Variants in GRM1 observed in about 807,000 individuals in gnomAD.
The protein encoded by GRM1 is glutamate metabotropic receptor 1, also known as metabotropic glutamate receptor 1.
GRM1 carries 33 observed loss-of-function variants against 90.9 expected under a neutral mutation model. The ratio of observed to expected loss-of-function variants is 0.36; its 90% confidence interval spans 0.28 to 0.49. The LOEUF (loss-of-function observed/expected upper bound fraction) is 0.49, where lower values mean the gene tolerates loss of function less well. Among genes scored for constraint, GRM1 ranks in the 20% least tolerant of loss-of-function variants. The pLI is 0.99. For synonymous variants in GRM1, 700 were observed against 613.2 expected (o/e 1.14, Z -2.09); for missense variants, 1,190 against 1,534.3 (o/e 0.78, Z 3.75).
At chr6:146,168,244 C>G (rs552372897) in intron 2 of GRM1, among the ~76,000 whole-genome samples, 83 of 151,896 alleles carry the variant, frequency 5.5e-4, no homozygotes, top group African/African-American at 1.9e-3. Context: ...TTTTGGCTTA[C>G]TAGCTATGAC....
At chr6:146,258,002 A>G (rs1180004197) in intron 2 of GRM1, among the ~76,000 whole-genome samples, 3 of 149,868 alleles carry the variant, frequency 2.0e-5, no homozygotes, top group African/African-American at 4.9e-5. Context: ...AAAAAAAAAT[A>G]GTTTTTTTCT....
At chr6:146,412,358 T>C (rs535084008) in intron 7 of GRM1, among the ~76,000 whole-genome samples, 1 of 152,148 alleles carries the variant, frequency 6.6e-6, no homozygotes, top group African/African-American at 2.4e-5. Context: ...GAGAGCCAGA[T>C]CCTGGCTGGC....
intron 7 of GRM1, among the ~76,000 whole-genome samples, chr6:146,403,956 T>A (rs949741612): frequency 1.3e-5 from 2 of 152,124 alleles, no homozygotes; most frequent in Non-Finnish European, 2.9e-5. Flanking sequence ...TATTTCTTAG[T>A]GTTGGGAATA....
At position 146,357,654 on chromosome 6, in the gene GRM1, G is replaced by A. The variant is rs770770147; in HGVS notation, c.1562G>A (p.Arg521Gln). The A allele has an allele frequency of 9.3e-6, 15 of 1,614,002 alleles. No homozygotes were observed. Among genetic ancestry groups the A allele is most frequent in the African/African-American group, 1.3e-5 (1 of 75,038 alleles). ...CAGATGAACAAGAGTGGAGTGGTGC[G>A]GTCTGTGTGCAGTGAGCCTTGCTTA... ...KIQMNKSGVV[R>Q]SVCSEPCLKG... The change falls in exon 5 of 8, where the codon CGG becomes CAG. Residue 521 changes from arginine to glutamine, a missense_variant. Transcript: ENST00000282753.
chr6:146,261,314 G>A (rs903225778), intron 2 of GRM1, among the ~76,000 whole-genome samples: 1 of 152,124 alleles, frequency 6.6e-6, no homozygotes. Flanking sequence ...CATTGTAAAT[G>A]AGTAGGAAAG....
At chr6:146,227,514 ATC>A (rs1780284476) in intron 2 of GRM1, among the ~76,000 whole-genome samples, 1 of 152,234 alleles carries the variant, frequency 6.6e-6, no homozygotes, top group African/African-American at 2.4e-5. Flanking sequence ...GGACTAATTA[ATC>A]TGTCTCCAAT....
At chr6:146,125,433 T>C (rs913295453) in intron 1 of GRM1, among the ~76,000 whole-genome samples, 3 of 152,002 alleles carry the variant, frequency 2.0e-5, no homozygotes, top group African/African-American at 7.2e-5. Flanking sequence ...CATTCCTTCC[T>C]TCACTCCTCT....
At chr6:146,086,246 A>G (rs1433956102) in intron 1 of GRM1, among the ~76,000 whole-genome samples, 3 of 152,154 alleles carry the variant, frequency 2.0e-5, no homozygotes, top group Non-Finnish European at 4.4e-5. Flanking sequence ...GGTGATAGCT[A>G]TACAAACTCT....
At chr6:146,188,438 C>T (rs931390379) in intron 2 of GRM1, among the ~76,000 whole-genome samples, 5 of 152,106 alleles carry the variant, frequency 3.3e-5, no homozygotes, top group Non-Finnish European at 7.4e-5. Context: ...CTATTGCTAC[C>T]TCAGTTGCCA....
At chr6:146,394,336 A>G (rs1776850291) in intron 6 of GRM1, among the ~76,000 whole-genome samples, 1 of 152,190 alleles carries the variant, frequency 6.6e-6, no homozygotes, top group Non-Finnish European at 1.5e-5. Context: ...AGTAAGAGAA[A>G]TAATAAAGAT....
chr6:146,310,939 T>G (rs1783749871), intron 3 of GRM1, among the ~76,000 whole-genome samples: 1 of 152,218 alleles, frequency 6.6e-6, no homozygotes, highest in African/African-American at 2.4e-5. Context: ...ATTATTGTTT[T>G]AAACCACTAA....
chr6:146,370,418 A>G (rs539651169), intron 5 of GRM1, among the ~76,000 whole-genome samples: 252 of 152,220 alleles, frequency 1.7e-3, no homozygotes, highest in African/African-American at 5.1e-3. Context: ...GCACTCAAAT[A>G]GAATTTTGGA....
At chr6:146,181,018 T>C (rs1778532683) in intron 2 of GRM1, among the ~76,000 whole-genome samples, 1 of 152,148 alleles carries the variant, frequency 6.6e-6, no homozygotes, top group South Asian at 2.1e-4. Context: ...CGTATAATTA[T>C]AAGAGAAATT....
intron 2 of GRM1, among the ~76,000 whole-genome samples, chr6:146,301,626 A>AT (rs1026341109): frequency 1.3e-5 from 2 of 152,102 alleles, no homozygotes; most frequent in Non-Finnish European, 2.9e-5. Flanking sequence ...AAAAGCAGTT[A>AT]TTTTTTTCAA....
intron 3 of GRM1, among the ~76,000 whole-genome samples, chr6:146,314,625 G>A (rs529715031): frequency 3.3e-5 from 5 of 152,244 alleles, no homozygotes; most frequent in African/African-American, 1.2e-4. Context: ...GGAGATATAT[G>A]ATTGGGAAAA....
At chr6:146,366,683 G>C (rs1257826403) in intron 5 of GRM1, among the ~76,000 whole-genome samples, 7 of 151,980 alleles carry the variant, frequency 4.6e-5, no homozygotes, top group African/African-American at 1.5e-4. Context: ...TATACCTATT[G>C]GCCATTTGTA....
intron 1 of GRM1, among the ~76,000 whole-genome samples, chr6:146,129,360 G>A (rs1319564507): frequency 6.6e-6 from 1 of 152,124 alleles, no homozygotes; most frequent in Non-Finnish European, 1.5e-5. Context: ...GAAGTGCAGT[G>A]TTTCATTAAA....
In GRM1 at chr6:146,201,509, A is replaced by G. The variant is rs147484287; in HGVS notation, c.950+41912A>G. Reference sequence around the variant, plus strand: ...TGGGATTGCAGAGGGCCATCTTGCTATATCCTCACATAGCAGAGACAGAGA... The same window carrying G: ...TGGGATTGCAGAGGGCCATCTTGCTGTATCCTCACATAGCAGAGACAGAGA... On this transcript the variant is annotated intron_variant, in intron 2 of 7. Transcript: ENST00000282753. 2.6e-5 allele frequency among the ~76,000 whole-genome samples: 4 copies of G among 152,298 alleles called. No homozygotes were observed. In the East Asian group the frequency reaches 7.7e-4, roughly 29 times the overall value.
chr6:146,261,211 T>C (rs1049100834), intron 2 of GRM1, among the ~76,000 whole-genome samples: 5 of 152,114 alleles, frequency 3.3e-5, no homozygotes, highest in East Asian at 1.9e-4. Flanking sequence ...AAAAATAAAA[T>C]GCCAAGGAGA....
Sources: allele counts gnomAD v4.1 joint callset (sites outside exome capture counted in the v4.1 genomes callset), GRCh38; gene constraint gnomAD v4.1.1; transcripts MANE v1.5; gene names NCBI Gene and HGNC (gene_info 2026-07-23, HGNC 2026-07-21).